Variants in OR2L13 observed in about 807,000 individuals in gnomAD.
OR2L13 encodes olfactory receptor 2L13.
Under a neutral mutation model 15.3 loss-of-function variants are expected in OR2L13, and 14 were observed. That is an observed-to-expected ratio of 0.91 (90% CI 0.60 to 1.43). The LOEUF is 1.43. Among genes scored for constraint, OR2L13 ranks in the 40% most tolerant of loss-of-function variants. OR2L13 has a pLI of 0.00. For missense variants in OR2L13, 367 were observed against 387.9 expected (o/e 0.95, Z 0.45); for synonymous variants, 152 against 142.9 (o/e 1.06, Z -0.45).
chr1:248,066,272 G>C, the OR2L13 span, among the ~76,000 whole-genome samples: 1 of 152,056 alleles, frequency 6.6e-6, no homozygotes, highest in Non-Finnish European at 1.5e-5. Flanking sequence ...CTTTTCCCTC[G>C]TTAATCTGTC....
the OR2L13 span, chr1:247,939,135 A>G: frequency 6.6e-6 from 1 of 152,220 alleles, no homozygotes; most frequent in Non-Finnish European, 1.5e-5. Context: ...TGCCTAAGTA[A>G]ATCGATTCTG....
chr1:248,055,615 G>A, the OR2L13 span, among the ~76,000 whole-genome samples: 2 of 152,182 alleles, frequency 1.3e-5, no homozygotes, highest in Non-Finnish European at 2.9e-5. Context: ...AAATTAGCCA[G>A]GCATGGTGTT....
At chr1:247,941,016 T>C in the OR2L13 span, among the ~76,000 whole-genome samples, 16 of 152,148 alleles carry the variant, frequency 1.1e-4, no homozygotes, top group African/African-American at 3.9e-4. Context: ...GCTGAGTATT[T>C]TTTCGTATGC....
the OR2L13 span, among the ~76,000 whole-genome samples, chr1:247,979,263 C>A: frequency 6.6e-6 from 1 of 152,038 alleles, no homozygotes; most frequent in Non-Finnish European, 1.5e-5. Flanking sequence ...CTGCACCCAT[C>A]AACTTGTCAT....
the OR2L13 span, chr1:247,965,521 A>G: frequency 1.2e-5 from 19 of 1,613,178 alleles, no homozygotes; most frequent in Non-Finnish European, 1.5e-5. Flanking sequence ...GATCCACCTC[A>G]TTCGACTGAA....
At chr1:248,060,903 C>T in the OR2L13 span, 8 of 1,613,822 alleles carry the variant, frequency 5.0e-6, no homozygotes, top group African/African-American at 1.3e-5. Context: ...ATTACATCTC[C>T]ACCATTGTTC....
At chr1:248,080,505 C>T in the OR2L13 span, among the ~76,000 whole-genome samples, 1 of 152,192 alleles carries the variant, frequency 6.6e-6, no homozygotes, top group Non-Finnish European at 1.5e-5. Flanking sequence ...TCAACTTCCA[C>T]TTATGAATGA....
chr1:248,022,411 CT>C, the OR2L13 span: 1 of 1,614,182 alleles, frequency 6.2e-7, no homozygotes, highest in Non-Finnish European at 8.5e-7. Context: ...TCCATCAACT[CT>C]TGTGCTCACA....
the OR2L13 span, among the ~76,000 whole-genome samples, chr1:247,942,526 T>C: frequency 7.9e-5 from 12 of 152,216 alleles, 1 homozygote; most frequent in South Asian, 2.5e-3. Context: ...TTAATCCCAG[T>C]CTCTTATTGA....
chr1:247,994,749 G>C, the OR2L13 span, among the ~76,000 whole-genome samples: 1 of 152,044 alleles, frequency 6.6e-6, no homozygotes, highest in East Asian at 1.9e-4. Context: ...GGTTTTAAGT[G>C]TTCTTAGTAA....
At chr1:248,031,971 C>T in the OR2L13 span, among the ~76,000 whole-genome samples, 1 of 151,764 alleles carries the variant, frequency 6.6e-6, no homozygotes, top group Non-Finnish European at 1.5e-5. Flanking sequence ...CATCGACTGC[C>T]CTATATAAAA....
At chr1:248,080,711 A>G in the OR2L13 span, among the ~76,000 whole-genome samples, 2 of 152,188 alleles carry the variant, frequency 1.3e-5, no homozygotes, top group Non-Finnish European at 2.9e-5. Context: ...AGTCTTTGCT[A>G]TTGGGAATAG....
At chr1:248,095,486 T>C (rs141252949), upstream of OR2L13, among the ~76,000 whole-genome samples, 3 of 152,158 alleles carry the variant, frequency 2.0e-5, no homozygotes, top group Non-Finnish European at 4.4e-5. Flanking sequence ...GCAGAGCCTA[T>C]TGATCAGTGA....
At chr1:248,066,586 G>A in the OR2L13 span, among the ~76,000 whole-genome samples, 1 of 152,152 alleles carries the variant, frequency 6.6e-6, no homozygotes, top group East Asian at 1.9e-4. Context: ...TTTGACATTT[G>A]GGACTTAATC....
At chr1:248,052,335 G>T in the OR2L13 span, among the ~76,000 whole-genome samples, 2 of 152,132 alleles carry the variant, frequency 1.3e-5, no homozygotes, top group African/African-American at 4.8e-5. Flanking sequence ...CCATGTATAT[G>T]AGAGGCTATT....
At chr1:248,000,059 G>T in the OR2L13 span, among the ~76,000 whole-genome samples, 1 of 151,342 alleles carries the variant, frequency 6.6e-6, no homozygotes, top group Admixed American at 6.6e-5. Flanking sequence ...TATAAATCTT[G>T]CAGGTAAGCC....
chr1:247,963,426 T>C, the OR2L13 span, among the ~76,000 whole-genome samples: 7 of 152,192 alleles, frequency 4.6e-5, no homozygotes, highest in Non-Finnish European at 8.8e-5. Flanking sequence ...ATGGTTTTGG[T>C]AGGTTTCAGT....
At chr1:248,065,316 T>G in the OR2L13 span, among the ~76,000 whole-genome samples, 1 of 152,292 alleles carries the variant, frequency 6.6e-6, no homozygotes, top group South Asian at 2.1e-4. Flanking sequence ...TACCACACAG[T>G]GTGCATTTAG....
chr1:247,986,289 TA>T, the OR2L13 span, among the ~76,000 whole-genome samples: 254 of 152,300 alleles, frequency 1.7e-3, no homozygotes, highest in African/African-American at 5.9e-3. Flanking sequence ...AATTTTTGTA[TA>T]AGGTGTAAGG....
Sources: allele counts gnomAD v4.1 joint callset (sites outside exome capture counted in the v4.1 genomes callset), GRCh38; gene constraint gnomAD v4.1.1; transcripts MANE v1.5; gene names NCBI Gene and HGNC (gene_info 2026-07-23, HGNC 2026-07-21).